Variants in FBXO34 observed in about 807,000 individuals in gnomAD.
FBXO34 encodes F-box only protein 34.
Under a neutral mutation model 24.5 loss-of-function variants are expected in FBXO34, and 12 were observed. The observed-to-expected ratio is 0.49, with a 90% CI of 0.31 to 0.79. The LOEUF is 0.79. Ranked by LOEUF, FBXO34 falls within the 30% of genes least tolerant of loss-of-function variation. FBXO34 has a pLI of 0.04. For missense variants in FBXO34, 823 were observed against 857.7 expected (o/e 0.96, Z 0.51); for synonymous variants, 320 against 311.9 (o/e 1.03, Z -0.27).
At chr14:55,298,133 T>C (rs921723259) in intron 1 of FBXO34, among the ~76,000 whole-genome samples, 1 of 152,190 alleles carries the variant, frequency 6.6e-6, no homozygotes, top group African/African-American at 2.4e-5. Flanking sequence ...CACACGCTTG[T>C]CCAACCTGCA....
chr14:55,386,537 A>G, the FBXO34 span, among the ~76,000 whole-genome samples: 2 of 152,240 alleles, frequency 1.3e-5, no homozygotes. Context: ...ATAATCTCAC[A>G]GCAGGTGGTC....
Position 55,351,577 on chromosome 14 carries a change from C to T in FBXO34, c.1187C>T (p.Ala396Val), listed in dbSNP as rs752938033. 1.2e-6 allele frequency: 2 copies of T among 1,614,128 alleles called. No individual in the cohort carries two copies. Among genetic ancestry groups the T allele is most frequent in the East Asian group, 4.5e-5 (2 of 44,886 alleles). Residue 396 changes from alanine to valine, a missense_variant, in exon 2 of 2, where the codon GCC becomes GTC. Ala to Val is a moderately conservative substitution (Grantham distance 64). Coordinates refer to ENST00000313833, the MANE Select transcript of FBXO34 (RefSeq NM_017943.4). ...SAELEPGSQT[A>V]VKNSNRYDVE... is the part of the protein sequence containing the mutation. Reference sequence around the variant, plus strand: ...GAGTTAGAGCCGGGTTCGCAAACTGCCGTGAAAAACAGCAACAGATATGAT... The same window carrying T: ...GAGTTAGAGCCGGGTTCGCAAACTGTCGTGAAAAACAGCAACAGATATGAT...
Position 55,340,364 on chromosome 14 carries a change from C to G in FBXO34, c.-10-10017C>G, listed in dbSNP as rs73265830. Among the ~76,000 whole-genome samples, 1,415 of 152,034 alleles carry G rather than the reference C, an allele frequency of 9.3e-3. 32 individuals carry two copies. Among genetic ancestry groups the G allele is most frequent in the African/African-American group, 0.033 (1,366 of 41,472 alleles). On this transcript the variant is annotated intron_variant, in intron 1 of 1. Coordinates refer to ENST00000313833, the MANE Select transcript of FBXO34 (RefSeq NM_017943.4). ...GGCTCAGGCAATCCCATGGTCACCTCCCAAATAGGACTACAAATACAGGCC... is the reference window on the plus strand; with the variant it reads ...GGCTCAGGCAATCCCATGGTCACCTGCCAAATAGGACTACAAATACAGGCC...
At chr14:55,339,378 G>GCCCCC (rs776454579) in intron 1 of FBXO34, 2 of 113,182 alleles carry the variant, frequency 1.8e-5, no homozygotes, top group East Asian at 2.7e-4. Flanking sequence ...TTAATCACCT[G>GCCCCC]CCCCCCCCCC....
chr14:55,276,544 T>C (rs536574579), intron 1 of FBXO34, among the ~76,000 whole-genome samples: 18 of 152,278 alleles, frequency 1.2e-4, no homozygotes, highest in African/African-American at 4.1e-4. Flanking sequence ...TTAAGAGTCC[T>C]TTATTAGCCG....
chr14:55,411,576 C>T, the FBXO34 span: 8 of 1,585,516 alleles, frequency 5.0e-6, no homozygotes, highest in Admixed American at 1.8e-5. Context: ...GCAGAAGAAA[C>T]AATAGGGCCG....
downstream of FBXO34, among the ~76,000 whole-genome samples, chr14:55,374,759 G>A (rs8014477): frequency 0.3 from 45,098 of 152,032 alleles, 7,074 homozygotes; most frequent in Non-Finnish European, 0.34. Context: ...CTGGCCCAAC[G>A]CTATTGAACC....
chr14:55,313,874 G>C lies in FBXO34; in HGVS notation c.-10-36507G>C, dbSNP rs189398234. On this transcript the variant is annotated intron_variant, in intron 1 of 1. Coordinates refer to ENST00000313833, the MANE Select transcript of FBXO34 (RefSeq NM_017943.4). ...TAATTCAAGATGAGATTTGGCTGGG[G>C]ACACAAAGCCTAACCATATCACATA... is the stretch of plus-strand genomic sequence containing the variant. 7.9e-5 allele frequency among the ~76,000 whole-genome samples: 12 copies of C among 152,250 alleles called. No homozygotes were observed. In the East Asian group the frequency reaches 2.1e-3, roughly 27 times the overall value.
At chr14:55,434,142 T>C in the FBXO34 span, among the ~76,000 whole-genome samples, 35,876 of 152,104 alleles carry the variant, frequency 0.24, 7,291 homozygotes, top group African/African-American at 0.56. Flanking sequence ...AAGAATCTTT[T>C]GGGAAAAAAA....
downstream of FBXO34, among the ~76,000 whole-genome samples, chr14:55,353,998 C>T (rs956805837): frequency 2.0e-5 from 3 of 152,146 alleles, no homozygotes; most frequent in Non-Finnish European, 4.4e-5. Flanking sequence ...ACTAGGCTGG[C>T]TTGAAATCGA....
chr14:55,393,190 G>C, the FBXO34 span, among the ~76,000 whole-genome samples: 3 of 151,800 alleles, frequency 2.0e-5, no homozygotes, highest in South Asian at 2.1e-4. Flanking sequence ...GACCATCCTG[G>C]CTAACACGGT....
intron 1 of FBXO34, among the ~76,000 whole-genome samples, chr14:55,347,286 C>G (rs1160761948): frequency 6.6e-6 from 1 of 152,186 alleles, no homozygotes; most frequent in Non-Finnish European, 1.5e-5. Flanking sequence ...GAAAGTGCCA[C>G]CATCTGTTGT....
intron 1 of FBXO34, among the ~76,000 whole-genome samples, chr14:55,283,968 G>GTC (rs911744873): frequency 6.8e-6 from 1 of 147,536 alleles, no homozygotes; most frequent in Non-Finnish European, 1.5e-5. Flanking sequence ...GTGTGTGTGT[G>GTC]TGTGTGTCTG....
intron 1 of FBXO34, chr14:55,299,119 T>A: frequency 1.5e-6 from 2 of 1,297,490 alleles, no homozygotes; most frequent in Non-Finnish European, 2.2e-6. Context: ...TTAGAAGAAC[T>A]AGAACAGGAG....
At chr14:55,405,018 TAA>T in the FBXO34 span, among the ~76,000 whole-genome samples, 1 of 152,072 alleles carries the variant, frequency 6.6e-6, no homozygotes. Context: ...TAGCTGAAAA[TAA>T]GTTATATTTT....
Position 55,351,236 on chromosome 14 carries a change from G to A in FBXO34, c.846G>A (p.Met282Ile), listed in dbSNP as rs749938853. Residue 282 changes from methionine (M) to isoleucine (I), a missense_variant, in exon 2 of 2, where the codon ATG (methionine) becomes ATA (isoleucine). By Grantham distance (10) the Met-to-Ile change is conservative (BLOSUM62 1). Coordinates refer to ENST00000313833, the MANE Select transcript of FBXO34 (RefSeq NM_017943.4). ...PQSEPVRVLD[M>I]VAKLESECLK... ...GCGAACCAGTCCGTGTCCTTGACAT[G>A]GTAGCCAAGTTGGAGTCTGAGTGCC... is the stretch of plus-strand genomic sequence containing the variant. 4 of 1,614,196 alleles carry A rather than the reference G, an allele frequency of 2.5e-6. No individual in the cohort carries two copies. In the Admixed American group the frequency reaches 6.7e-5, roughly 27 times the overall value.
chr14:55,279,358 A>G lies in FBXO34; in HGVS notation c.-11+7821A>G, dbSNP rs184584877. Among the ~76,000 whole-genome samples, 76 of 152,106 alleles carry G rather than the reference A, an allele frequency of 5.0e-4. 1 individual carries two copies. Among genetic ancestry groups the G allele is most frequent in the Admixed American group, 4.8e-3 (74 of 15,274 alleles). ...CCAAGTGGTGATGAGTATTATTACT[A>G]TTTGGAGGTATCTGTAACGAAAGAT... On this transcript the variant is annotated intron_variant, in intron 1 of 1. Coordinates refer to ENST00000313833, the MANE Select transcript of FBXO34 (RefSeq NM_017943.4).
chr14:55,336,262 T>C (rs771959377), intron 1 of FBXO34, among the ~76,000 whole-genome samples: 25 of 152,234 alleles, frequency 1.6e-4, no homozygotes, highest in Non-Finnish European at 3.4e-4. Context: ...AAAATTGCTT[T>C]CTGATTTATT....
chr14:55,439,147 C>T, the FBXO34 span, among the ~76,000 whole-genome samples: 3 of 151,974 alleles, frequency 2.0e-5, no homozygotes, highest in Middle Eastern at 3.2e-3. Context: ...CCATGTTGGC[C>T]AGGCTGGTCT....
Sources: allele counts gnomAD v4.1 joint callset (sites outside exome capture counted in the v4.1 genomes callset), GRCh38; gene constraint gnomAD v4.1.1; transcripts MANE v1.5; gene names NCBI Gene and HGNC (gene_info 2026-07-23, HGNC 2026-07-21).